DYM: variants seen among roughly 807,000 people sequenced by gnomAD.
DYM encodes the protein dyggve-Melchior-Clausen syndrome protein.
A neutral mutation model predicts 93.1 loss-of-function variants in DYM; 78 were observed. That is an observed-to-expected ratio of 0.84 (90% CI 0.70 to 1.01). DYM has a LOEUF of 1.01. DYM is among the 50% of genes least tolerant of loss of function. DYM has a pLI of 0.00. For missense variants in DYM, 789 were observed against 845.0 expected, an observed-to-expected ratio of 0.93 and a Z score of 0.82; for synonymous variants, 321 against 319.7, an observed-to-expected ratio of 1.00 and a Z score of -0.04.
intron 14 of DYM, among the ~76,000 whole-genome samples, chr18:49,209,328 G>A: frequency 6.6e-6 from 1 of 152,176 alleles, no homozygotes; most frequent in Non-Finnish European, 1.5e-5. Context: ...CAACTCTGTG[G>A]TTGAAAGCTT....
chr18:49,294,121 G>T (rs2146020102), intron 8 of DYM, among the ~76,000 whole-genome samples: 1 of 152,234 alleles, frequency 6.6e-6, no homozygotes, highest in Admixed American at 6.5e-5. Flanking sequence ...AGATCAGATG[G>T]CTGTAAATGT....
At chr18:49,396,849 G>A (rs890313524) in intron 2 of DYM, among the ~76,000 whole-genome samples, 1 of 152,296 alleles carries the variant, frequency 6.6e-6, no homozygotes, top group African/African-American at 2.4e-5. Context: ...TCACTCATCT[G>A]TGAAAACTTA....
intron 16 of DYM, among the ~76,000 whole-genome samples, chr18:49,102,060 C>T (rs1371041643): frequency 6.6e-6 from 1 of 152,152 alleles, no homozygotes; most frequent in Non-Finnish European, 1.5e-5. Context: ...TAAATCCCAC[C>T]TCTTCTTATA....
intron 17 of DYM, among the ~76,000 whole-genome samples, chr18:49,079,917 G>C (rs1370656003): frequency 1.3e-4 from 19 of 151,418 alleles, no homozygotes; most frequent in Admixed American, 3.3e-4. Context: ...ATGAGCTGTT[G>C]GGTACACCTC....
At position 49,378,624 on chromosome 18, in the gene DYM, A is replaced by C; in HGVS notation, c.364T>G (p.Ser122Ala). 2.5e-6 allele frequency: 4 copies of C among 1,612,282 alleles called. No individual in the cohort carries two copies. Among genetic ancestry groups the C allele is most frequent in the Non-Finnish European group, 2.5e-6 (3 of 1,178,544 alleles). ...CLLKVFICQMSEEELQLHFTY... is the reference protein window; with the variant it reads ...CLLKVFICQMAEEELQLHFTY... ...AAATGAAGTTGTAATTCCTCCTCTG[A>C]CATCTGACAGATGAACACTTTCAGC... The change falls in exon 5 of 18, where the codon TCA becomes GCA. Residue 122 changes from serine (S) to alanine (A), a missense_variant. Transcript: ENST00000675505.
chr18:49,250,321 C>G (rs2094257888), intron 13 of DYM, among the ~76,000 whole-genome samples: 1 of 152,192 alleles, frequency 6.6e-6, no homozygotes, highest in Admixed American at 6.5e-5. Flanking sequence ...CCAGGCCAGG[C>G]CAGTATGTTG....
At chr18:49,404,455 G>A (rs971829016) in intron 2 of DYM, among the ~76,000 whole-genome samples, 3 of 152,192 alleles carry the variant, frequency 2.0e-5, no homozygotes, top group African/African-American at 7.2e-5. Context: ...ATTGCTGGGT[G>A]AAATGGTAAT....
chr18:49,046,856 T>C (rs1438921986), intron 17 of DYM, among the ~76,000 whole-genome samples: 1 of 152,180 alleles, frequency 6.6e-6, no homozygotes, highest in Non-Finnish European at 1.5e-5. Context: ...ATCATGCCAG[T>C]CCACTCTAGC....
chr18:49,328,078 C>A (rs1487550410), intron 8 of DYM, among the ~76,000 whole-genome samples: 1 of 152,176 alleles, frequency 6.6e-6, no homozygotes, highest in Non-Finnish European at 1.5e-5. Flanking sequence ...CCAGGAAAAT[C>A]TCTTCATCCA....
intron 14 of DYM, among the ~76,000 whole-genome samples, chr18:49,192,419 A>C (rs1187708174): frequency 6.6e-6 from 1 of 152,124 alleles, no homozygotes; most frequent in Admixed American, 6.5e-5. Context: ...CTTATGCTGA[A>C]GATGTTAATC....
intron 17 of DYM, among the ~76,000 whole-genome samples, chr18:49,056,873 G>A (rs2075540505): frequency 6.6e-6 from 1 of 152,230 alleles, no homozygotes; most frequent in Non-Finnish European, 1.5e-5. Context: ...TGTATTTTTT[G>A]TAAAGACATG....
intron 11 of DYM, among the ~76,000 whole-genome samples, chr18:49,264,045 A>G (rs2094531607): frequency 6.6e-6 from 1 of 150,450 alleles, no homozygotes; most frequent in African/African-American, 2.4e-5. Flanking sequence ...TCATTGTTCT[A>G]CACTGATAAC....
chr18:49,388,293 G>A (rs1568360397), intron 3 of DYM, among the ~76,000 whole-genome samples: 3 of 151,954 alleles, frequency 2.0e-5, no homozygotes, highest in Admixed American at 2.0e-4. Context: ...TAGTGCCACT[G>A]CACTCTAGCT....
At chr18:49,139,106 T>C (rs1167762068) in intron 15 of DYM, among the ~76,000 whole-genome samples, 2 of 152,192 alleles carry the variant, frequency 1.3e-5, no homozygotes, top group African/African-American at 2.4e-5. Flanking sequence ...AAAAATTTAT[T>C]GTACATGAGG....
intron 17 of DYM, among the ~76,000 whole-genome samples, chr18:49,073,355 A>T (rs2077043836): frequency 6.6e-6 from 1 of 152,232 alleles, no homozygotes; most frequent in South Asian, 2.1e-4. Context: ...ATGTTTACTG[A>T]ATTAAGGTAA....
chr18:49,184,757 G>A (rs2090281170), intron 14 of DYM, among the ~76,000 whole-genome samples: 1 of 152,102 alleles, frequency 6.6e-6, no homozygotes, highest in Non-Finnish European at 1.5e-5. Context: ...AAAAACTTAC[G>A]AATTTTCTAT....
intron 8 of DYM, among the ~76,000 whole-genome samples, chr18:49,316,757 T>C (rs1436659691): frequency 6.6e-6 from 1 of 150,904 alleles, no homozygotes; most frequent in Non-Finnish European, 1.5e-5. Flanking sequence ...ATCTTTTTAC[T>C]ATCTCTCTTT....
chr18:49,385,446 AGCACTTC>A (rs2068509171), intron 3 of DYM, among the ~76,000 whole-genome samples: 1 of 152,192 alleles, frequency 6.6e-6, no homozygotes, highest in Non-Finnish European at 1.5e-5. Flanking sequence ...CTGTAATCCC[AGCACTTC>A]GAAGGCCAAG....
chr18:49,193,690 T>C (rs1377942984), intron 14 of DYM, among the ~76,000 whole-genome samples: 2 of 152,250 alleles, frequency 1.3e-5, no homozygotes, highest in Admixed American at 6.5e-5. Flanking sequence ...TATAATGCTG[T>C]GACATTCAAT....
Sources: allele counts gnomAD v4.1 joint callset (sites outside exome capture counted in the v4.1 genomes callset), GRCh38; gene constraint gnomAD v4.1.1; transcripts MANE v1.5; gene names NCBI Gene and HGNC (gene_info 2026-07-23, HGNC 2026-07-21).